SYNE2: variants seen among roughly 807,000 people sequenced by gnomAD.
SYNE2 encodes the protein spectrin repeat containing nuclear envelope protein 2.
A neutral mutation model predicts 856.3 loss-of-function variants in SYNE2; 431 were observed. The observed-to-expected ratio is 0.50, with a 90% CI of 0.47 to 0.55. The LOEUF is 0.55. Among genes scored for constraint, SYNE2 ranks in the 20% least tolerant of loss-of-function variants. The pLI, the probability that SYNE2 is intolerant of heterozygous loss-of-function variation, is 0.00. For missense variants in SYNE2, 8,129 were observed against 8,023.2 expected, an observed-to-expected ratio of 1.01 and a Z score of -0.50; for synonymous variants, 2,923 against 2,872.3, an observed-to-expected ratio of 1.02 and a Z score of -0.56.
chr14:63,939,815 G>A (rs2153414682), intron 2 of SYNE2, among the ~76,000 whole-genome samples: 1 of 152,264 alleles, frequency 6.6e-6, no homozygotes, highest in Admixed American at 6.5e-5. Context: ...CCCCATAACA[G>A]AAACAGGATT....
chr14:64,130,539 G>T (rs903874549), intron 76 of SYNE2, among the ~76,000 whole-genome samples: 1 of 152,092 alleles, frequency 6.6e-6, no homozygotes, highest in Non-Finnish European at 1.5e-5. Context: ...TTAAAATGAG[G>T]ATACATTCTA....
chr14:63,913,615 A>G (rs1161218434), intron 2 of SYNE2, among the ~76,000 whole-genome samples: 2 of 151,316 alleles, frequency 1.3e-5, no homozygotes, highest in Non-Finnish European at 2.9e-5. Context: ...GGTGCCTGCC[A>G]CCACGTCTGG....
intron 1 of SYNE2, among the ~76,000 whole-genome samples, chr14:63,845,757 T>G (rs76926372): frequency 6.6e-6 from 1 of 150,862 alleles, no homozygotes; most frequent in East Asian, 1.9e-4. Context: ...TTTTTTTTTT[T>G]TGAGACATAG....
intron 6 of SYNE2, among the ~76,000 whole-genome samples, chr14:63,943,558 AC>A (rs2095960343): frequency 6.6e-6 from 1 of 152,172 alleles, no homozygotes; most frequent in South Asian, 2.1e-4. Flanking sequence ...GATTATGAAA[AC>A]TAAATTTAAG....
chr14:64,221,564 T>G lies in SYNE2; in HGVS notation c.20062-12T>G. On this transcript the variant is annotated splice_polypyrimidine_tract_variant and intron_variant, in intron 111 of 115. Coordinates refer to ENST00000555002, the MANE Select transcript of SYNE2 (RefSeq NM_182914.3). ...TAAGACACGGCCGCGCTCTGATGTG[T>G]TGTTTTTTAAGGACTTCCACCAGTT... is the stretch of plus-strand genomic sequence containing the variant. 6.2e-7 allele frequency: 1 copy of G among 1,614,206 alleles called. No individual in the cohort carries two copies. Among genetic ancestry groups the G allele is most frequent in the South Asian group, 1.1e-5 (1 of 91,078 alleles).
intron 9 of SYNE2, 85 bp downstream of exon 9, chr14:63,961,710 T>A: frequency 1.0e-6 from 1 of 960,142 alleles, no homozygotes; most frequent in Non-Finnish European, 1.6e-6. Context: ...ATAATTTGCA[T>A]ACAGAACTTA....
chr14:63,948,585 C>T (rs1262694107), intron 6 of SYNE2, among the ~76,000 whole-genome samples: 6 of 149,556 alleles, frequency 4.0e-5, no homozygotes, highest in Admixed American at 6.7e-5. Flanking sequence ...TCACTTGAAC[C>T]GGGAGGCGGA....
intron 61 of SYNE2, chr14:64,094,984 A>G (rs894152311): frequency 5.9e-6 from 1 of 168,680 alleles, no homozygotes; most frequent in South Asian, 2.1e-4. Flanking sequence ...AATAGTAATG[A>G]GAAGAGTGAC....
Position 63,890,921 on chromosome 14 carries a change from C to T in SYNE2, c.-51-18177C>T, listed in dbSNP as rs1323461748. Among the ~76,000 whole-genome samples the T allele has an allele frequency of 3.9e-5, 6 of 152,160 alleles. No individual in the cohort carries two copies. The East Asian group carries it at 5.8e-4, about 15-fold the overall frequency. ...GTTCCTGTCTCTAGAAAGCATTTCCCGCTTATTCATCTTTGCACCCCAGTG... is the reference window on the plus strand; with the variant it reads ...GTTCCTGTCTCTAGAAAGCATTTCCTGCTTATTCATCTTTGCACCCCAGTG... On this transcript the variant is annotated intron_variant, in intron 1 of 115. Transcript: ENST00000555002.
chr14:63,919,972 G>GTTTTTTTT (rs10673123), intron 2 of SYNE2, among the ~76,000 whole-genome samples: 1,491 of 110,440 alleles, frequency 0.014, 45 homozygotes, highest in Non-Finnish European at 0.019. Flanking sequence ...TAAAAGGTAA[G>GTTTTTTTT]TTTTTTTTTT....
intron 45 of SYNE2, among the ~76,000 whole-genome samples, chr14:64,045,565 A>C (rs2097180083): frequency 6.6e-6 from 1 of 152,080 alleles, no homozygotes; most frequent in African/African-American, 2.4e-5. Flanking sequence ...GAAGTGTGGC[A>C]CCTCTCTTTC....
chr14:64,150,527 T>C (rs1595858085), intron 84 of SYNE2, among the ~76,000 whole-genome samples: 1 of 150,494 alleles, frequency 6.6e-6, no homozygotes, highest in East Asian at 1.9e-4. Flanking sequence ...GGCATGGCTG[T>C]TGTTTATGCT....
At chr14:63,801,551 T>G (rs1888130874) in intron 1 of SYNE2, among the ~76,000 whole-genome samples, 1 of 151,812 alleles carries the variant, frequency 6.6e-6, no homozygotes. Flanking sequence ...TGGTGGCGCA[T>G]GCCTGTAATC....
rs752455178 is a variant in SYNE2, at chr14:64,219,193, A to AT, written c.19658-9dup. 295 of 1,579,672 alleles carry AT rather than the reference A, an allele frequency of 1.9e-4. No individual in the cohort carries two copies. Among genetic ancestry groups the AT allele is most frequent in the Non-Finnish European group, 2.5e-4 (290 of 1,165,452 alleles). On this transcript the variant is annotated splice_polypyrimidine_tract_variant and intron_variant, in intron 109 of 115. Coordinates refer to ENST00000555002, the MANE Select transcript of SYNE2 (RefSeq NM_182914.3). ...GCATTATTGCTTTTTTTAATTGGCG[A>AT]TTTTTTAATTCCAGGTGCCTTCGAC...
At chr14:64,125,319 A>C in intron 71 of SYNE2, 109 bp downstream of exon 71, 2 of 1,464,020 alleles carry the variant, frequency 1.4e-6, no homozygotes, top group South Asian at 2.4e-5. Flanking sequence ...CATGGAACAC[A>C]TAATGGAATG....
intron 6 of SYNE2, among the ~76,000 whole-genome samples, chr14:63,943,833 G>T (rs1219719698): frequency 6.6e-6 from 1 of 151,788 alleles, no homozygotes; most frequent in Non-Finnish European, 1.5e-5. Flanking sequence ...ACCACGCCCA[G>T]CTAATTTTTG....
chr14:63,944,740 C>T (rs1467775241), intron 6 of SYNE2, among the ~76,000 whole-genome samples: 5 of 149,192 alleles, frequency 3.4e-5, no homozygotes, highest in Admixed American at 1.3e-4. Context: ...AGGCTGGTCT[C>T]GAACTCCTGA....
chr14:64,168,394 A>G (rs2098393586), intron 92 of SYNE2, among the ~76,000 whole-genome samples: 2 of 152,096 alleles, frequency 1.3e-5, no homozygotes, highest in African/African-American at 4.8e-5. Flanking sequence ...ACACATTTCA[A>G]AAGTGTGCAG....
At chr14:64,153,628 A>G (rs1326975176) in intron 85 of SYNE2, among the ~76,000 whole-genome samples, 4 of 152,252 alleles carry the variant, frequency 2.6e-5, no homozygotes, top group African/African-American at 9.6e-5. Flanking sequence ...TTTGTTAAGC[A>G]TACATTGTGT....
Sources: allele counts gnomAD v4.1 joint callset (sites outside exome capture counted in the v4.1 genomes callset), GRCh38; gene constraint gnomAD v4.1.1; transcripts MANE v1.5; gene names NCBI Gene and HGNC (gene_info 2026-07-23, HGNC 2026-07-21).